Variants in MAP7D2 observed in about 807,000 individuals in gnomAD.
The protein encoded by MAP7D2 is MAP7 domain containing 2.
Under a neutral mutation model 63.5 loss-of-function variants are expected in MAP7D2, and 33 were observed. That is an observed-to-expected ratio of 0.52 (90% CI 0.39 to 0.70). MAP7D2 has a LOEUF of 0.70. Among genes scored for constraint, MAP7D2 ranks in the 30% least tolerant of loss-of-function variants. MAP7D2 has a pLI of 0.00. For missense variants in MAP7D2, 626 were observed against 604.0 expected (o/e 1.04, Z -0.38); for synonymous variants, 224 against 223.7 (o/e 1.00, Z -0.01).
rs371461356 is a variant in MAP7D2, at chrX:20,025,666, G to A, written c.1279+15C>T. On this transcript the variant is annotated intron_variant, in intron 9 of 16. Transcript: ENST00000379643. ...AACCGTCTTGGGAAAGCCAAGGCACGGTGGCAGCATCTACCTGCGCTGTTT... is the reference window on the plus strand; with the variant it reads ...AACCGTCTTGGGAAAGCCAAGGCACAGTGGCAGCATCTACCTGCGCTGTTT... The A allele has an allele frequency of 1.4e-5, 17 of 1,208,294 alleles. No individual in the cohort carries two copies. The highest frequency in any genetic ancestry group is 1.8e-5 in the Non-Finnish European group (16 of 893,934).
Position 20,016,289 on chromosome X carries a change from C to T in MAP7D2, c.1449G>A (p.Glu483=). Reference sequence around the variant, plus strand: ...CTTCCTCTTCTAGGCGAAGCCTTTCCTCCTCTGCCTTTCTTTTCAATTCCT... The same window carrying T: ...CTTCCTCTTCTAGGCGAAGCCTTTCTTCCTCTGCCTTTCTTTTCAATTCCT... ...EREELKRKAE[E]ERLRLEEEAR... The change falls in exon 11 of 17, where the codon GAG becomes GAA. Residue 483 remains glutamate, a synonymous_variant. Transcript: ENST00000379643. The T allele has an allele frequency of 8.3e-7, 1 of 1,210,926 alleles. No homozygotes were observed. Among genetic ancestry groups the T allele is most frequent in the Non-Finnish European group, 1.1e-6 (1 of 895,191 alleles).
rs1018044974 is a variant in MAP7D2, at chrX:20,016,322, C to T, written c.1416G>A (p.Leu472=). 2 of 1,207,234 alleles carry T rather than the reference C, an allele frequency of 1.7e-6. No homozygotes were observed. The highest frequency in any genetic ancestry group is 2.2e-6 in the Non-Finnish European group (2 of 893,166). Residue 472 remains leucine (L), a synonymous_variant, in exon 11 of 17, where the codon CTG becomes CTA. Coordinates refer to ENST00000379643, the MANE Select transcript of MAP7D2 (RefSeq NM_001168465.2). The part of the protein sequence containing the change: ...ERLEKEEQDR[L]EREELKRKAE... ...CCTTTCTTTTCAATTCCTCTCTCTC[C>T]AGCCTTTTGAGAATACAACTGTTGT...
chrX:20,025,739 G>T lies in MAP7D2; in HGVS notation c.1221C>A (p.Asp407Glu), dbSNP rs201863381. 8.3e-7 allele frequency: 1 copy of T among 1,210,164 alleles called. No homozygotes were observed. The highest frequency in any genetic ancestry group is 1.7e-5 in the African/African-American group (1 of 57,256). ...GEEALEKHVV[D>E]KHASEKHAAA... is the part of the protein sequence containing the mutation. ...CAGCATGCTTCTCGCTGGCATGCTT[G>T]TCCACTACATGCTTCTCTAGGGCTT... is the stretch of plus-strand genomic sequence containing the variant. Residue 407 changes from aspartate (D) to glutamate (E), a missense_variant, in exon 9 of 17, where the codon GAC becomes GAA. Coordinates refer to ENST00000379643, the MANE Select transcript of MAP7D2 (RefSeq NM_001168465.2).
rs142073990 is a variant in MAP7D2, at chrX:20,052,956, A to T, written c.517T>A (p.Leu173Met). ...ATGGGAGGCTCCGTTGGCTTTGGCA[A>T]ACTCATAGTTGATGTTGAAAGTTTG... ...CDKLSTSTMS[L>M]PKPTEPPMNK... is the part of the protein sequence containing the mutation. The change falls in exon 5 of 17, where the codon TTG becomes ATG. Residue 173 changes from leucine (L) to methionine (M), a missense_variant. By Grantham distance (15) the Leu-to-Met change is conservative (BLOSUM62 2). Transcript: ENST00000379643. 8.3e-7 allele frequency: 1 copy of T among 1,210,514 alleles called. No homozygotes were observed. Among genetic ancestry groups the T allele is most frequent in the East Asian group, 3.0e-5 (1 of 33,864 alleles).
intron 1 of MAP7D2, among the ~76,000 whole-genome samples, chrX:20,096,411 C>G (rs1247448143): frequency 2.9e-5 from 2 of 69,801 alleles, no homozygotes; most frequent in African/African-American, 6.0e-5. Context: ...GTCTCCGAGA[C>G]AGAGCAAGAC....
rs113301034 is a variant in MAP7D2, at chrX:20,042,402, G to A, written c.1007+100C>T. 1,355 of 992,700 alleles carry A rather than the reference G, an allele frequency of 1.4e-3. 12 individuals carry two copies. The African/African-American group carries it at 0.023, about 17-fold the overall frequency. 81.8% of individuals were successfully genotyped at this position (992,700 alleles called of 1,213,427 possible). A position where few individuals can be genotyped will look rare whatever the true frequency, so the allele number is the denominator to read the frequency against. On this transcript the variant is annotated intron_variant, in intron 8 of 16. Transcript: ENST00000379643. ...CCACTTACCACTTCTGGCTGGCCACGCCTCACGGGGGAGCAGGAGCTGCAA... is the reference window on the plus strand; with the variant it reads ...CCACTTACCACTTCTGGCTGGCCACACCTCACGGGGGAGCAGGAGCTGCAA...
intron 1 of MAP7D2, among the ~76,000 whole-genome samples, chrX:20,116,329 G>A (rs2066891922): frequency 8.9e-6 from 1 of 112,868 alleles, no homozygotes; most frequent in Non-Finnish European, 1.9e-5. Flanking sequence ...CTGCAGCGGC[G>A]CTCGCGCGCG....
At chrX:20,097,000 C>T (rs2066288704) in intron 1 of MAP7D2, among the ~76,000 whole-genome samples, 1 of 111,327 alleles carries the variant, frequency 9.0e-6, no homozygotes, top group African/African-American at 3.3e-5. Context: ...AAAATCTAAA[C>T]CACTGAAGCC....
chrX:20,050,705 A>T, intron 6 of MAP7D2, 119 bp downstream of exon 6: 1 of 827,724 alleles, frequency 1.2e-6, no homozygotes, highest in Non-Finnish European at 1.6e-6. Flanking sequence ...TTAACCAATG[A>T]AGACTTTTCA....
intron 1 of MAP7D2, among the ~76,000 whole-genome samples, chrX:20,097,919 G>A (rs746040173): frequency 1.8e-5 from 2 of 111,391 alleles, no homozygotes; most frequent in Admixed American, 9.5e-5. Context: ...TTCATTTATG[G>A]TACTTATCAA....
intron 3 of MAP7D2, among the ~76,000 whole-genome samples, chrX:20,057,465 T>C (rs1187225895): frequency 9.0e-6 from 1 of 111,582 alleles, no homozygotes; most frequent in African/African-American, 3.3e-5. Flanking sequence ...ACCCAGTAAT[T>C]TTTAACCAGA....
At chrX:20,011,117 T>C in intron 15 of MAP7D2, 65 bp from the exon 16 acceptor site, 2 of 1,061,413 alleles carry the variant, frequency 1.9e-6, no homozygotes, top group South Asian at 4.4e-5. Flanking sequence ...GCACAATATA[T>C]TAATTCTATT....
intron 10 of MAP7D2, among the ~76,000 whole-genome samples, chrX:20,024,478 G>C (rs1360170444): frequency 4.5e-5 from 5 of 112,211 alleles, no homozygotes; most frequent in Admixed American, 1.9e-4. Context: ...CCTATGCCTA[G>C]GGGACACTGC....
chrX:20,096,081 C>CAAAA (rs1208579984), intron 1 of MAP7D2, among the ~76,000 whole-genome samples: 15 of 14,882 alleles, frequency 1.0e-3, no homozygotes, highest in East Asian at 2.1e-3. Flanking sequence ...GACTCTTCCT[C>CAAAA]AAAAAAAAAA....
chrX:20,099,100 C>G (rs1486850947), intron 1 of MAP7D2, among the ~76,000 whole-genome samples: 2 of 112,688 alleles, frequency 1.8e-5, no homozygotes, highest in Middle Eastern at 4.6e-3. Context: ...TGGCACAGGC[C>G]TGTCACAGTA....
intron 4 of MAP7D2, among the ~76,000 whole-genome samples, chrX:20,055,301 A>G (rs951135874): frequency 9.0e-6 from 1 of 111,566 alleles, no homozygotes; most frequent in Non-Finnish European, 1.9e-5. Context: ...ACTCCCTCTC[A>G]AACACCTCTC....
intron 9 of MAP7D2, 101 bp from the exon 10 acceptor site, chrX:20,025,184 A>T: frequency 2.0e-6 from 2 of 1,002,844 alleles, no homozygotes; most frequent in Non-Finnish European, 2.7e-6. Context: ...AAAAAATCCA[A>T]CCCAGTGTGG....
intron 1 of MAP7D2, among the ~76,000 whole-genome samples, chrX:20,079,151 A>G (rs774928707): frequency 9.0e-6 from 1 of 111,200 alleles, no homozygotes; most frequent in East Asian, 2.9e-4. Context: ...CCAGGTAACC[A>G]CATCTTCACT....
chrX:20,073,656 A>C, intron 1 of MAP7D2, among the ~76,000 whole-genome samples: 1 of 106,335 alleles, frequency 9.4e-6, no homozygotes, highest in Middle Eastern at 4.9e-3. Context: ...CAGCCTCCTG[A>C]GTAGCTGGGA....
Sources: allele counts gnomAD v4.1 joint callset (sites outside exome capture counted in the v4.1 genomes callset), GRCh38; gene constraint gnomAD v4.1.1; transcripts MANE v1.5; gene names NCBI Gene and HGNC (gene_info 2026-07-23, HGNC 2026-07-21).